Variants in TTC39B observed in about 807,000 individuals in gnomAD.
TTC39B encodes tetratricopeptide repeat protein 39B.
In TTC39B, 92 loss-of-function variants were observed where a neutral mutation model predicts 96.6. The ratio of observed to expected loss-of-function variants is 0.95; its 90% CI spans 0.80 to 1.13. TTC39B has a LOEUF of 1.13. TTC39B is among the 50% of genes most tolerant of loss of function. The probability of loss-of-function intolerance (pLI) is 0.00; values close to 1 mark genes in which losing one functional copy is unlikely to be tolerated. For missense variants in TTC39B, 955 were observed against 809.3 expected, an observed-to-expected ratio of 1.18 and a Z score of -2.18; for synonymous variants, 367 against 299.4, an observed-to-expected ratio of 1.23 and a Z score of -2.33.
chr9:15,226,786 G>C (rs1821145078), intron 2 of TTC39B, among the ~76,000 whole-genome samples: 1 of 152,050 alleles, frequency 6.6e-6, no homozygotes, highest in Non-Finnish European at 1.5e-5. Flanking sequence ...ACACAATGGG[G>C]GCAGGTCCAC....
chr9:15,213,708 C>A (rs191699584), intron 4 of TTC39B, among the ~76,000 whole-genome samples: 5 of 152,044 alleles, frequency 3.3e-5, no homozygotes, highest in Non-Finnish European at 7.4e-5. Context: ...GCTTGTTTTT[C>A]GAACAAATAG....
chr9:15,287,684 T>TAC (rs1166516417), intron 1 of TTC39B, among the ~76,000 whole-genome samples: 11 of 151,588 alleles, frequency 7.3e-5, no homozygotes, highest in African/African-American at 2.7e-4. Context: ...AGAAAACCTT[T>TAC]AGGGAAAAAA....
exon 16 of TTC39B, chr9:15,185,376 G>C (rs758339076): frequency 6.2e-7 from 1 of 1,613,784 alleles, no homozygotes; most frequent in Non-Finnish European, 8.5e-7. Flanking sequence ...TAGATTTCCC[G>C]GCAATTCTCT....
At chr9:15,182,997 G>A (rs1444367270) in intron 16 of TTC39B, among the ~76,000 whole-genome samples, 1 of 152,094 alleles carries the variant, frequency 6.6e-6, no homozygotes, top group Non-Finnish European at 1.5e-5. Flanking sequence ...TATATTTAAT[G>A]GGCTACCAGA....
chr9:15,187,113 A>G (rs1818571646), intron 14 of TTC39B, 78 bp from the exon 15 acceptor site: 1 of 1,027,726 alleles, frequency 9.7e-7, no homozygotes, highest in Non-Finnish European at 1.4e-6. Flanking sequence ...GGAATGACCA[A>G]CAAGTCTTCC....
chr9:15,285,420 G>A (rs1449290294), intron 1 of TTC39B, among the ~76,000 whole-genome samples: 1 of 152,166 alleles, frequency 6.6e-6, no homozygotes, highest in Non-Finnish European at 1.5e-5. Context: ...ACAACGAAAT[G>A]ATAAATGCTT....
intron 2 of TTC39B, among the ~76,000 whole-genome samples, chr9:15,267,645 T>A (rs929961938): frequency 3.3e-5 from 5 of 152,226 alleles, no homozygotes; most frequent in African/African-American, 1.2e-4. Flanking sequence ...TATGAACAAC[T>A]ATTAAAAGAG....
chr9:15,203,324 C>T (rs984340957), intron 7 of TTC39B, among the ~76,000 whole-genome samples: 1 of 152,186 alleles, frequency 6.6e-6, no homozygotes, highest in Admixed American at 6.5e-5. Context: ...GACCTCGGCT[C>T]ACGGAAATCT....
intron 2 of TTC39B, among the ~76,000 whole-genome samples, chr9:15,240,967 C>T (rs1043832524): frequency 6.6e-6 from 1 of 152,172 alleles, no homozygotes; most frequent in Non-Finnish European, 1.5e-5. Context: ...CTTCATGCAT[C>T]TACCTTTGCT....
Position 15,306,277 on chromosome 9 carries a change from G to A in TTC39B, c.240+807C>T, listed in dbSNP as rs1563802637. Among the ~76,000 whole-genome samples the A allele has an allele frequency of 6.6e-6, 1 of 152,224 alleles. No individual in the cohort carries two copies. Among genetic ancestry groups the A allele is most frequent in the Non-Finnish European group, 1.5e-5 (1 of 68,034 alleles). On this transcript the variant is annotated intron_variant, in intron 1 of 19. Coordinates refer to ENST00000512701, the Ensembl canonical transcript of TTC39B. The surrounding 1 kb of genome is among the most constrained non-coding windows in gnomAD (Gnocchi z 5.1). ...GCTGTCTCTGGAGTTGCCAGGTGCT[G>A]AAATGAATAGTCAATAAATCAACAG... is the stretch of plus-strand genomic sequence containing the variant.
In TTC39B at chr9:15,283,665, T is replaced by G. The variant is rs376447616; in HGVS notation, c.241-15717A>C. ...CCCTGAAAAATTGAAACTATGGAAT[T>G]GGCACAGGAACATATATACAGATCA... On this transcript the variant is annotated intron_variant, in intron 1 of 19. Transcript: ENST00000512701. Among the ~76,000 whole-genome samples the G allele has an allele frequency of 4.6e-5, 7 of 152,306 alleles. No individual in the cohort carries two copies. In the East Asian group the frequency reaches 1.2e-3, roughly 25 times the overall value.
intron 1 of TTC39B, among the ~76,000 whole-genome samples, chr9:15,285,685 T>C (rs1457695768): frequency 6.6e-6 from 1 of 152,026 alleles, no homozygotes; most frequent in Non-Finnish European, 1.5e-5. Context: ...AAACCCCGTC[T>C]CTACTAAAAA....
chr9:15,238,372 C>T (rs900298508), intron 2 of TTC39B, among the ~76,000 whole-genome samples: 6 of 152,108 alleles, frequency 3.9e-5, no homozygotes, highest in Non-Finnish European at 8.8e-5. Flanking sequence ...CCCAAAGACT[C>T]CTCCCAAAAA....
At chr9:15,277,102 C>A (rs1371157791) in intron 1 of TTC39B, among the ~76,000 whole-genome samples, 2 of 152,324 alleles carry the variant, frequency 1.3e-5, no homozygotes, top group South Asian at 4.1e-4. Flanking sequence ...CACTCCCAGA[C>A]CTTTCTTACT....
chr9:15,189,795 A>G lies in TTC39B; in HGVS notation c.1106-3T>C. 1.2e-6 allele frequency: 2 copies of G among 1,602,228 alleles called. No individual in the cohort carries two copies. The highest frequency in any genetic ancestry group is 1.7e-6 in the Non-Finnish European group (2 of 1,172,596). On this transcript the variant is annotated splice_region_variant and splice_polypyrimidine_tract_variant and intron_variant, in intron 11 of 19. Coordinates refer to ENST00000512701, the Ensembl canonical transcript of TTC39B. ...CGCAACATTCACTTCTCCTGTACCT[A>G]GAAATTTAACAGGAAAAGACTCAGT...
chr9:15,226,086 C>T (rs979714123), intron 2 of TTC39B, 74 bp from the exon 3 acceptor site: 11 of 1,269,910 alleles, frequency 8.7e-6, no homozygotes, highest in Middle Eastern at 2.3e-4. Flanking sequence ...AGTGCAATTA[C>T]ACAACATAAG....
At chr9:15,197,832 G>C (rs1819263375) in intron 8 of TTC39B, among the ~76,000 whole-genome samples, 1 of 150,090 alleles carries the variant, frequency 6.7e-6, no homozygotes, top group Non-Finnish European at 1.5e-5. Flanking sequence ...TAGGACGCCA[G>C]TTTTAAAGGG....
intron 1 of TTC39B, 83 bp from the exon 2 acceptor site, chr9:15,268,031 CG>C (rs1392971306): frequency 5.5e-6 from 7 of 1,282,290 alleles, no homozygotes; most frequent in Middle Eastern, 1.8e-4. Flanking sequence ...AATGAATACA[CG>C]CATTGGGGAG....
At chr9:15,172,138 G>C (rs1473216370) in intron 19 of TTC39B, 29 bp from the exon 20 acceptor site, 6 of 1,565,306 alleles carry the variant, frequency 3.8e-6, no homozygotes, top group East Asian at 2.3e-5. Flanking sequence ...AAATTGTACA[G>C]TCAAAATTTC....
Sources: gnomAD v4.1 joint callset for allele counts (sites outside exome capture counted in the v4.1 genomes callset) on GRCh38, gnomAD v4.1.1 for gene constraint, Gnocchi (gnomAD v3.1) non-coding constraint, MANE v1.5 for transcripts, NCBI Gene and HGNC (gene_info 2026-07-23, HGNC 2026-07-21) for gene names.